Variants in CAMTA1 observed in about 807,000 individuals in gnomAD.
CAMTA1 encodes calmodulin-binding transcription activator 1.
Under a neutral mutation model 170.9 loss-of-function variants are expected in CAMTA1, and 27 were observed. The ratio of observed to expected loss-of-function variants is 0.16; its 90% confidence interval spans 0.12 to 0.22. The LOEUF is 0.22. Among genes scored for constraint, CAMTA1 ranks in the 10% least tolerant of loss-of-function variants. The pLI is 1.00. For missense variants in CAMTA1, 1,619 were observed against 2,217.2 expected, an observed-to-expected ratio of 0.73 and a Z score of 5.42; for synonymous variants, 833 against 891.5, an observed-to-expected ratio of 0.93 and a Z score of 1.17.
intron 5 of CAMTA1, among the ~76,000 whole-genome samples, chr1:7,298,009 T>C (rs1358033589): frequency 6.6e-6 from 1 of 152,248 alleles, no homozygotes; most frequent in African/African-American, 2.4e-5. Context: ...GCGGCAGTTC[T>C]ATATATGTTT....
At chr1:7,468,611 AC>A (rs1324165589) in intron 6 of CAMTA1, among the ~76,000 whole-genome samples, 1 of 152,204 alleles carries the variant, frequency 6.6e-6, no homozygotes. Context: ...ATGCAGTCGG[AC>A]TAGACATAGG....
chr1:6,975,964 G>A lies in CAMTA1; in HGVS notation c.235-115340G>A, dbSNP rs529033758. ...GTGTCATGATCTGTTCTTCCCTGCCGCGGCGAGCGTCAGTACTCCCTTCCT... is the reference window on the plus strand; with the variant it reads ...GTGTCATGATCTGTTCTTCCCTGCCACGGCGAGCGTCAGTACTCCCTTCCT... On this transcript the variant is annotated intron_variant, in intron 3 of 22. Coordinates refer to ENST00000303635, the MANE Select transcript of CAMTA1 (RefSeq NM_015215.4). 5.3e-5 allele frequency among the ~76,000 whole-genome samples: 8 copies of A among 152,224 alleles called. No individual in the cohort carries two copies. The East Asian group carries it at 7.7e-4, about 15-fold the overall frequency.
intron 4 of CAMTA1, among the ~76,000 whole-genome samples, chr1:7,194,369 G>C (rs1213661650): frequency 2.0e-5 from 3 of 152,190 alleles, no homozygotes; most frequent in Non-Finnish European, 4.4e-5. Flanking sequence ...CATCTACACA[G>C]AGGATATGTT....
chr1:7,028,186 T>TGAATTACAAA (rs1222596856), intron 3 of CAMTA1, among the ~76,000 whole-genome samples: 1 of 152,258 alleles, frequency 6.6e-6, no homozygotes, highest in African/African-American at 2.4e-5. Context: ...ATTACAGGCG[T>TGAATTACAAA]GTGCCACTGC....
chr1:7,524,194 G>A (rs568504331), intron 6 of CAMTA1, among the ~76,000 whole-genome samples: 2 of 152,256 alleles, frequency 1.3e-5, no homozygotes, highest in South Asian at 2.1e-4. Context: ...AGAGTGCCCA[G>A]GAGACTCTGT....
chr1:7,626,118 A>G (rs2095631910), intron 6 of CAMTA1, among the ~76,000 whole-genome samples: 1 of 152,210 alleles, frequency 6.6e-6, no homozygotes, highest in Non-Finnish European at 1.5e-5. Context: ...CCAAGGTATT[A>G]AAGAGGAACT....
At chr1:7,648,813 G>A (rs2095827848) in intron 7 of CAMTA1, among the ~76,000 whole-genome samples, 1 of 152,172 alleles carries the variant, frequency 6.6e-6, no homozygotes, top group Non-Finnish European at 1.5e-5. Flanking sequence ...GGTCTGGAGT[G>A]GGCTCCAGAC....
At position 7,133,469 on chromosome 1, in the gene CAMTA1, C is replaced by T. The variant is rs1490879587; in HGVS notation, c.302+42098C>T. 4.0e-5 allele frequency among the ~76,000 whole-genome samples: 6 copies of T among 151,892 alleles called. No homozygotes were observed. The East Asian group carries it at 1.2e-3, about 29-fold the overall frequency. On this transcript the variant is annotated intron_variant, in intron 4 of 22. Coordinates refer to ENST00000303635, the MANE Select transcript of CAMTA1 (RefSeq NM_015215.4). ...TAATAATTTGTGTCTTCTTTTTTTTCCCTTATCAGTTTTTCTAGAGGTTTA... is the reference window on the plus strand; with the variant it reads ...TAATAATTTGTGTCTTCTTTTTTTTTCCTTATCAGTTTTTCTAGAGGTTTA...
rs1674567771 is a variant in CAMTA1 at position 7,300,268 on chromosome 1, C to A, written c.438+50642C>A. Among the ~76,000 whole-genome samples the A allele has an allele frequency of 6.6e-6, 1 of 152,198 alleles. No homozygotes were observed. Among genetic ancestry groups the A allele is most frequent in the African/African-American group, 2.4e-5 (1 of 41,452 alleles). ...TCCCCTAGACCCTGGCACAGAATCA[C>A]CCTGGTCCCCACTCTGGTCCTCCCT... On this transcript the variant is annotated intron_variant, in intron 5 of 22. Coordinates refer to ENST00000303635, the MANE Select transcript of CAMTA1 (RefSeq NM_015215.4). The surrounding 1 kb of genome is among the most constrained non-coding windows in gnomAD (Gnocchi z 4.1).
chr1:7,309,681 T>C (rs1459389372), intron 5 of CAMTA1, among the ~76,000 whole-genome samples: 1 of 152,122 alleles, frequency 6.6e-6, no homozygotes, highest in Non-Finnish European at 1.5e-5. Flanking sequence ...TTTTTAGTAT[T>C]GTATTTTACA....
chr1:7,354,219 G>T (rs1028900972), intron 5 of CAMTA1, among the ~76,000 whole-genome samples: 7 of 151,058 alleles, frequency 4.6e-5, no homozygotes, highest in Non-Finnish European at 7.4e-5. Flanking sequence ...CACGATCTTG[G>T]CTCACTGCAA....
chr1:7,346,117 T>C (rs59583477), intron 5 of CAMTA1, among the ~76,000 whole-genome samples: 2,272 of 152,318 alleles, frequency 0.015, 56 homozygotes, highest in African/African-American at 0.052. Context: ...AATGTGTTTA[T>C]ATGGTTTGAA....
At chr1:7,163,810 G>A (rs7519908) in intron 4 of CAMTA1, among the ~76,000 whole-genome samples, 4 of 152,186 alleles carry the variant, frequency 2.6e-5, no homozygotes, top group African/African-American at 9.7e-5. Flanking sequence ...GCAGGCCAGG[G>A]AGGGACAGTG....
chr1:7,663,860 A>C lies in CAMTA1; in HGVS notation c.1313A>C (p.Asp438Ala). The C allele has an allele frequency of 6.2e-7, 1 of 1,613,992 alleles. No homozygotes were observed. Among genetic ancestry groups the C allele is most frequent in the Non-Finnish European group, 8.5e-7 (1 of 1,180,024 alleles). The change falls in exon 9 of 23, where the codon GAT becomes GCT. Residue 438 changes from aspartate to alanine, a missense_variant. Physicochemically the swap from Asp to Ala is moderately radical, Grantham distance 126. This residue lies in a region of CAMTA1 where 731 missense variants were observed against 907.6 expected (regional missense o/e 0.81). Transcript: ENST00000303635. ...SQGLVLAVSS[D>A]GHKFAFPTTG... is the part of the protein sequence containing the mutation. ...GGCCTCGTCCTGGCCGTGAGCTCTG[A>C]TGGCCACAAGTTCGCCTTTCCCACC...
intron 3 of CAMTA1, among the ~76,000 whole-genome samples, chr1:6,956,826 C>A (rs1194021668): frequency 6.6e-6 from 1 of 152,224 alleles, no homozygotes; most frequent in Non-Finnish European, 1.5e-5. Context: ...CAAGCTGACA[C>A]CAGGGATGCT....
Position 7,014,823 on chromosome 1 carries a change from G to T in CAMTA1, c.235-76481G>T, listed in dbSNP as rs538922530. On this transcript the variant is annotated intron_variant, in intron 3 of 22. Coordinates refer to ENST00000303635, the MANE Select transcript of CAMTA1 (RefSeq NM_015215.4). The surrounding 1 kb of genome is among the most constrained non-coding windows in gnomAD (Gnocchi z 4.2). ...CAGACCCTGCAGCATGTCGGGGGCC[G>T]GGTGGGGGAGCGGGTGGTGGCATCA... is the stretch of plus-strand genomic sequence containing the variant. Among the ~76,000 whole-genome samples, 4 of 152,262 alleles carry T rather than the reference G, an allele frequency of 2.6e-5. No homozygotes were observed. The highest frequency in any genetic ancestry group is 5.9e-5 in the Non-Finnish European group (4 of 68,018).
intron 6 of CAMTA1, among the ~76,000 whole-genome samples, chr1:7,526,087 C>T (rs1456356404): frequency 1.3e-5 from 2 of 152,016 alleles, no homozygotes; most frequent in African/African-American, 4.8e-5. Context: ...ATGATAAACA[C>T]AAAATCAACA....
At chr1:7,559,142 G>A (rs2094922694) in intron 6 of CAMTA1, among the ~76,000 whole-genome samples, 1 of 152,154 alleles carries the variant, frequency 6.6e-6, no homozygotes, top group Non-Finnish European at 1.5e-5. Context: ...GTGCTGTCTG[G>A]CACGGAGGCC....
intron 3 of CAMTA1, among the ~76,000 whole-genome samples, chr1:7,075,088 T>G (rs763729874): frequency 9.2e-5 from 14 of 152,238 alleles, no homozygotes; most frequent in Non-Finnish European, 1.3e-4. Context: ...CACAATCTCT[T>G]TGTGGTTCTT....
Sources: allele counts gnomAD v4.1 joint callset (sites outside exome capture counted in the v4.1 genomes callset), GRCh38; gene constraint gnomAD v4.1.1; regional missense constraint gnomAD v4.1.1; non-coding constraint Gnocchi (gnomAD v3.1); transcripts MANE v1.5; gene names NCBI Gene and HGNC (gene_info 2026-07-23, HGNC 2026-07-21).